Variants in BTBD16 observed in about 807,000 individuals in gnomAD.
BTBD16 encodes BTB/POZ domain-containing protein 16.
Under a neutral mutation model 67.4 loss-of-function variants are expected in BTBD16, and 66 were observed. The ratio of observed to expected loss-of-function variants is 0.98; its 90% CI spans 0.80 to 1.20. BTBD16 has a LOEUF of 1.20. BTBD16 is among the 50% of genes most tolerant of loss of function. The probability of loss-of-function intolerance (pLI) is 0.00; values close to 1 mark genes in which losing one functional copy is unlikely to be tolerated. For synonymous variants in BTBD16, 242 were observed against 236.4 expected (o/e 1.02, Z -0.22); for missense variants, 634 against 616.0 (o/e 1.03, Z -0.31).
chr10:122,319,974 T>C (rs1292259781), intron 10 of BTBD16, among the ~76,000 whole-genome samples: 3 of 152,140 alleles, frequency 2.0e-5, no homozygotes, highest in Non-Finnish European at 2.9e-5. Flanking sequence ...TTGTAAGAGG[T>C]ATTATTTTAA....
intron 3 of BTBD16, among the ~76,000 whole-genome samples, chr10:122,278,186 G>A (rs1038380625): frequency 6.6e-6 from 1 of 152,176 alleles, no homozygotes; most frequent in Non-Finnish European, 1.5e-5. Flanking sequence ...GAGAGGGTCT[G>A]GGCAGCAAGA....
At chr10:122,334,199 T>TA (rs2096459364) in intron 13 of BTBD16, among the ~76,000 whole-genome samples, 1 of 145,954 alleles carries the variant, frequency 6.9e-6, no homozygotes, top group Non-Finnish European at 1.5e-5. Flanking sequence ...CTTGACTTTT[T>TA]TTTTTTTTTT....
At chr10:122,331,409 G>A in intron 12 of BTBD16, 151 bp downstream of exon 12, 6 of 1,220,248 alleles carry the variant, frequency 4.9e-6, no homozygotes, top group Non-Finnish European at 6.5e-6. Context: ...GGGGAGAGCA[G>A]TGCCTGGGAA....
intron 7 of BTBD16, among the ~76,000 whole-genome samples, chr10:122,295,602 C>G (rs1023190917): frequency 6.6e-6 from 1 of 152,028 alleles, no homozygotes; most frequent in Admixed American, 6.5e-5. Context: ...GAGGCTCAGC[C>G]GAGAGACCAG....
chr10:122,295,795 G>A (rs551449768), intron 7 of BTBD16, among the ~76,000 whole-genome samples: 11 of 152,200 alleles, frequency 7.2e-5, no homozygotes, highest in Non-Finnish European at 1.5e-4. Context: ...CTTCTAATGG[G>A]TAGAGTCAGT....
At chr10:122,311,012 G>C (rs1405896109) in intron 10 of BTBD16, among the ~76,000 whole-genome samples, 1 of 105,906 alleles carries the variant, frequency 9.4e-6, no homozygotes, top group Non-Finnish European at 1.9e-5. Context: ...CGGAAGACAG[G>C]CTAGGAGGGA....
At chr10:122,333,819 C>G (rs887187667) in intron 13 of BTBD16, among the ~76,000 whole-genome samples, 2 of 151,980 alleles carry the variant, frequency 1.3e-5, no homozygotes, top group Non-Finnish European at 2.9e-5. Context: ...ATGGATCAGT[C>G]AAAGCTGACC....
intron 3 of BTBD16, among the ~76,000 whole-genome samples, chr10:122,280,943 C>T (rs2096351609): frequency 1.3e-5 from 2 of 152,046 alleles, no homozygotes; most frequent in African/African-American, 4.8e-5. Flanking sequence ...GTAGCTGGGA[C>T]CACAGACATG....
chr10:122,330,455 G>T (rs952598809), intron 11 of BTBD16, among the ~76,000 whole-genome samples: 4 of 152,152 alleles, frequency 2.6e-5, no homozygotes, highest in Admixed American at 2.0e-4. Flanking sequence ...GAATAAGGAG[G>T]ACTGGTCAAA....
intron 3 of BTBD16, among the ~76,000 whole-genome samples, chr10:122,280,807 GT>G (rs890657530): frequency 6.6e-6 from 1 of 151,942 alleles, no homozygotes; most frequent in Non-Finnish European, 1.5e-5. Context: ...GAAAACAAAG[GT>G]TTTTTTGTTT....
At chr10:122,287,593 A>C in intron 5 of BTBD16, 1 of 507,444 alleles carries the variant, frequency 2.0e-6, no homozygotes, top group Non-Finnish European at 2.5e-6. Flanking sequence ...CACGTCTTTC[A>C]ATAGGAACAG....
chr10:122,334,363 T>C (rs1323618219), intron 13 of BTBD16, among the ~76,000 whole-genome samples: 1 of 149,594 alleles, frequency 6.7e-6, no homozygotes, highest in African/African-American at 2.5e-5. Flanking sequence ...GCCTGGCTAA[T>C]TTTTTGTATT....
intron 4 of BTBD16, 78 bp downstream of exon 4, chr10:122,284,002 C>A: frequency 9.2e-7 from 1 of 1,085,922 alleles, no homozygotes; most frequent in Non-Finnish European, 1.4e-6. Flanking sequence ...TGGAAGGAGA[C>A]CAGTCCATAA....
intron 10 of BTBD16, 70 bp downstream of exon 10, chr10:122,307,378 A>G: frequency 1.4e-6 from 2 of 1,418,496 alleles, no homozygotes; most frequent in South Asian, 1.5e-5. Flanking sequence ...TCATAATATC[A>G]CGGGGGAAAA....
At chr10:122,296,659 C>A (rs956138338) in intron 7 of BTBD16, among the ~76,000 whole-genome samples, 1 of 152,198 alleles carries the variant, frequency 6.6e-6, no homozygotes, top group Non-Finnish European at 1.5e-5. Context: ...CCACATAGCA[C>A]GTCTACCACA....
In BTBD16 at chr10:122,276,763, G is replaced by A. The variant is rs1564948671; in HGVS notation, c.19-28G>A. On this transcript the variant is annotated intron_variant, in intron 2 of 15. Coordinates refer to ENST00000260723, the MANE Select transcript of BTBD16 (RefSeq NM_144587.5). ...TTTATGTGAAGTTAGAAAAAAAGAT[G>A]TCTTCTCTTTCTTTGATTACCAAGC... The A allele has an allele frequency of 4.4e-6, 7 of 1,599,246 alleles. No homozygotes were observed. The South Asian group carries it at 5.5e-5, about 13-fold the overall frequency.
At chr10:122,276,054 G>C (rs886880505) in intron 2 of BTBD16, among the ~76,000 whole-genome samples, 1 of 152,208 alleles carries the variant, frequency 6.6e-6, no homozygotes, top group Non-Finnish European at 1.5e-5. Flanking sequence ...ATACATGGAT[G>C]AACCTTGAAA....
chr10:122,312,800 G>A (rs879703145), intron 10 of BTBD16, among the ~76,000 whole-genome samples: 8 of 152,146 alleles, frequency 5.3e-5, no homozygotes, highest in Non-Finnish European at 1.2e-4. Flanking sequence ...GTTCTGCTAC[G>A]TTCTGGTCCA....
At chr10:122,278,531 T>C (rs972077378) in intron 3 of BTBD16, among the ~76,000 whole-genome samples, 1 of 152,254 alleles carries the variant, frequency 6.6e-6, no homozygotes, top group Non-Finnish European at 1.5e-5. Flanking sequence ...CTTTATTGCC[T>C]GGGCAGCATT....
Sources: gnomAD v4.1 joint callset for allele counts (sites outside exome capture counted in the v4.1 genomes callset) on GRCh38, gnomAD v4.1.1 for gene constraint, MANE v1.5 for transcripts, NCBI Gene and HGNC (gene_info 2026-07-23, HGNC 2026-07-21) for gene names.